The following LEKR1 variants were observed in gnomAD, a reference collection of about 807,000 sequenced individuals.
The protein encoded by LEKR1 is leucine, glutamate and lysine rich 1.
LEKR1 carries 59 observed loss-of-function variants against 72.4 expected under a neutral mutation model. The ratio of observed to expected loss-of-function variants is 0.82; its 90% confidence interval spans 0.66 to 1.01. LEKR1 has a LOEUF of 1.01. Among genes scored for constraint, LEKR1 ranks in the 50% least tolerant of loss-of-function variants. The pLI is 0.00. For missense variants in LEKR1, 728 were observed against 759.2 expected, an observed-to-expected ratio of 0.96 and a Z score of 0.48; for synonymous variants, 257 against 263.2, an observed-to-expected ratio of 0.98 and a Z score of 0.23.
chr3:156,967,490 T>C (rs1728736077), intron 6 of LEKR1, among the ~76,000 whole-genome samples: 1 of 152,104 alleles, frequency 6.6e-6, no homozygotes, highest in African/African-American at 2.4e-5. Context: ...ACAAGCCTCA[T>C]TAGCCGATTT....
At chr3:156,969,965 A>T (rs1173019790) in intron 6 of LEKR1, among the ~76,000 whole-genome samples, 2 of 152,240 alleles carry the variant, frequency 1.3e-5, no homozygotes, top group Non-Finnish European at 2.9e-5. Flanking sequence ...AGGCTGGTTC[A>T]ACATATGCAA....
intron 7 of LEKR1, among the ~76,000 whole-genome samples, chr3:156,991,552 G>A (rs1731146128): frequency 6.6e-6 from 1 of 152,070 alleles, no homozygotes; most frequent in African/African-American, 2.4e-5. Flanking sequence ...TGAATAGTCT[G>A]AATACATTTA....
intron 10 of LEKR1, among the ~76,000 whole-genome samples, chr3:157,018,354 A>T (rs1332926768): frequency 6.6e-6 from 1 of 152,222 alleles, no homozygotes; most frequent in Non-Finnish European, 1.5e-5. Flanking sequence ...TAGAATTCTC[A>T]ATTTGACAGC....
chr3:156,900,248 C>A (rs933698712), intron 3 of LEKR1, among the ~76,000 whole-genome samples: 1 of 152,042 alleles, frequency 6.6e-6, no homozygotes, highest in East Asian at 1.9e-4. Flanking sequence ...TAGATTCTTA[C>A]GTAAAATCTC....
chr3:157,029,583 T>C (rs1392408058), intron 12 of LEKR1, among the ~76,000 whole-genome samples: 1 of 152,176 alleles, frequency 6.6e-6, no homozygotes, highest in Admixed American at 6.6e-5. Context: ...AATTTTCTTT[T>C]AGTATTATAA....
intron 2 of LEKR1, among the ~76,000 whole-genome samples, chr3:156,849,777 A>G (rs1715108894): frequency 6.6e-6 from 1 of 152,234 alleles, no homozygotes; most frequent in Non-Finnish European, 1.5e-5. Flanking sequence ...TTAAAGACTT[A>G]CATGTTAGAC....
At chr3:156,903,721 C>T (rs957038942) in intron 3 of LEKR1, among the ~76,000 whole-genome samples, 2 of 152,332 alleles carry the variant, frequency 1.3e-5, no homozygotes, top group South Asian at 2.1e-4. Flanking sequence ...AACTGCAAAT[C>T]AACTTTCTCA....
rs192193997 is a variant in LEKR1 at position 156,913,598 on chromosome 3, G to A, written c.264-6977G>A. Among the ~76,000 whole-genome samples, 5 of 152,272 alleles carry A rather than the reference G, an allele frequency of 3.3e-5. No homozygotes were observed. The East Asian group carries it at 9.6e-4, about 29-fold the overall frequency. On this transcript the variant is annotated intron_variant, in intron 3 of 12. Coordinates refer to ENST00000356539, the MANE Select transcript of LEKR1 (RefSeq NM_001004316.3). ...CTCAGTGGTACTAGCTGTAGCTAAG[G>A]ATAGAGAGTGGTAAAAGGGAGGTGG...
intron 4 of LEKR1, among the ~76,000 whole-genome samples, chr3:156,926,848 TG>T (rs1724762554): frequency 6.6e-6 from 1 of 151,918 alleles, no homozygotes; most frequent in African/African-American, 2.4e-5. Flanking sequence ...ATCACCTTTT[TG>T]CTGCTCTCAA....
chr3:156,867,155 A>G (rs1414398099), intron 3 of LEKR1, among the ~76,000 whole-genome samples: 4 of 152,104 alleles, frequency 2.6e-5, no homozygotes, highest in Non-Finnish European at 4.4e-5. Context: ...GGCCTTGCCA[A>G]TGATGTTCAA....
At position 157,012,165 on chromosome 3, in the gene LEKR1, A is replaced by G. The variant is rs1732942898; in HGVS notation, c.1203+659A>G. On this transcript the variant is annotated intron_variant, in intron 10 of 12. Coordinates refer to ENST00000356539, the MANE Select transcript of LEKR1 (RefSeq NM_001004316.3). ...CATCCACAGCTCTAGTCATTGAGTT[A>G]AAAGCAGTCATCTTTCTGCCATAAA... 2.0e-5 allele frequency among the ~76,000 whole-genome samples: 3 copies of G among 152,148 alleles called. No homozygotes were observed. The South Asian group carries it at 6.2e-4, about 32-fold the overall frequency.
chr3:156,968,840 A>G (rs1054773979), intron 6 of LEKR1, among the ~76,000 whole-genome samples: 6 of 152,186 alleles, frequency 3.9e-5, no homozygotes, highest in African/African-American at 1.4e-4. Flanking sequence ...TCAGCACCAC[A>G]CTGCACTTAT....
intron 3 of LEKR1, among the ~76,000 whole-genome samples, chr3:156,871,501 T>G (rs1156803985): frequency 6.6e-6 from 1 of 152,198 alleles, no homozygotes; most frequent in Admixed American, 6.5e-5. Context: ...CAAATGGTAT[T>G]TCTAGTTCTA....
intron 3 of LEKR1, among the ~76,000 whole-genome samples, chr3:156,917,659 A>C (rs1723782220): frequency 6.6e-6 from 1 of 152,156 alleles, no homozygotes; most frequent in South Asian, 2.1e-4. Context: ...ATTCAGCCAA[A>C]CTGTTCCATC....
chr3:156,913,961 ATTTCT>A (rs1366251951), intron 3 of LEKR1, among the ~76,000 whole-genome samples: 2 of 152,110 alleles, frequency 1.3e-5, no homozygotes, highest in Admixed American at 6.6e-5. Flanking sequence ...TTATTTTATC[ATTTCT>A]TTTCTTTACT....
chr3:156,981,855 A>G (rs13094735), intron 7 of LEKR1, among the ~76,000 whole-genome samples: 10 of 152,230 alleles, frequency 6.6e-5, no homozygotes, highest in Non-Finnish European at 1.3e-4. Context: ...TTTCCTGTGC[A>G]CACTCAAACC....
At chr3:157,025,087 A>G (rs1734093905) in intron 11 of LEKR1, among the ~76,000 whole-genome samples, 163 bp downstream of exon 11, 1 of 152,198 alleles carries the variant, frequency 6.6e-6, no homozygotes, top group Non-Finnish European at 1.5e-5. Context: ...CTAATTCTCC[A>G]GAATGGATAA....
At chr3:157,026,336 A>C (rs1734188715) in intron 11 of LEKR1, among the ~76,000 whole-genome samples, 1 of 152,200 alleles carries the variant, frequency 6.6e-6, no homozygotes. Context: ...GAACTTGCCA[A>C]ATGTTACAGT....
chr3:157,005,391 A>G (rs548037511), intron 9 of LEKR1, among the ~76,000 whole-genome samples: 1 of 152,278 alleles, frequency 6.6e-6, no homozygotes, highest in African/African-American at 2.4e-5. Flanking sequence ...AAAAGATAAT[A>G]CTATTTATAC....
Sources: allele counts gnomAD v4.1 joint callset (sites outside exome capture counted in the v4.1 genomes callset), GRCh38; gene constraint gnomAD v4.1.1; transcripts MANE v1.5; gene names NCBI Gene and HGNC (gene_info 2026-07-23, HGNC 2026-07-21).